The following CASP9 variants were observed in gnomAD, a reference collection of about 807,000 sequenced individuals.
CASP9 encodes the protein caspase 9.
CASP9 carries 29 observed loss-of-function variants against 43.5 expected under a neutral mutation model. That is an observed-to-expected ratio of 0.67 (90% CI 0.50 to 0.91). The LOEUF (loss-of-function observed/expected upper bound fraction) is 0.91, where lower values mean the gene tolerates loss of function less well. Among genes scored for constraint, CASP9 ranks in the 40% least tolerant of loss-of-function variants. The pLI is 0.00. For synonymous variants in CASP9, 206 were observed against 211.9 expected (o/e 0.97, Z 0.24); for missense variants, 575 against 537.4 (o/e 1.07, Z -0.69).
intron 2 of CASP9, among the ~76,000 whole-genome samples, chr1:15,517,644 T>G (rs1710001806): frequency 6.6e-6 from 1 of 152,192 alleles, no homozygotes; most frequent in South Asian, 2.1e-4. Context: ...AGGATGGGTC[T>G]AATGATACCT....
intron 7 of CASP9, among the ~76,000 whole-genome samples, chr1:15,495,025 G>A (rs1052192843): frequency 3.9e-5 from 6 of 152,036 alleles, no homozygotes; most frequent in African/African-American, 1.4e-4. Context: ...CGAAGGCAGA[G>A]GCAGGGTCAG....
upstream of CASP9, chr1:15,524,612 CG>C: frequency 2.0e-6 from 2 of 1,016,278 alleles, no homozygotes; most frequent in Non-Finnish European, 2.4e-6. Flanking sequence ...CCCGCGTTAC[CG>C]TCCCGCCCGC....
intron 1 of CASP9, among the ~76,000 whole-genome samples, chr1:15,523,023 C>T (rs1036288203): frequency 6.6e-6 from 1 of 152,218 alleles, no homozygotes; most frequent in African/African-American, 2.4e-5. Context: ...GATATCCAGC[C>T]AGCCACTCAC....
rs558512887 is a variant in CASP9, at chr1:15,521,075, T to C, written c.133-2680A>G. Among the ~76,000 whole-genome samples the C allele has an allele frequency of 1.3e-3, 197 of 146,830 alleles. 1 individual carries two copies. The highest frequency in any genetic ancestry group is 5.0e-3 in the African/African-American group (195 of 39,298). ...GGGAGGCTGAGGGAGGAGAATGGCA[T>C]GAACCCGGGAGGCGGAGCTTGCAGT... On this transcript the variant is annotated intron_variant, in intron 1 of 8. Coordinates refer to ENST00000333868, the MANE Select transcript of CASP9 (RefSeq NM_001229.5).
Position 15,495,399 on chromosome 1 carries a change from G to A in CASP9, c.922C>T (p.Pro308Ser), listed in dbSNP as rs199536909. 3 of 1,607,940 alleles carry A rather than the reference G, an allele frequency of 1.9e-6. No homozygotes were observed. In the South Asian group the frequency reaches 3.3e-5, roughly 18 times the overall value. ...VASTSPEDESPGSNPEPDATP... is the reference protein window; with the variant it reads ...VASTSPEDESSGSNPEPDATP... ...GCATCTGGCTCGGGGTTACTGCCAG[G>A]GGACTCGTCTTCAGGGGAAGTGGAG... Residue 308 changes from proline (P) to serine (S), a missense_variant, in exon 7 of 9, where the codon CCT (proline) becomes TCT (serine). By Grantham distance (74) the Pro-to-Ser change is moderately conservative. Coordinates refer to ENST00000333868, the MANE Select transcript of CASP9 (RefSeq NM_001229.5).
intron 6 of CASP9, among the ~76,000 whole-genome samples, chr1:15,499,258 A>T (rs543956068): frequency 6.6e-6 from 1 of 152,336 alleles, no homozygotes; most frequent in African/African-American, 2.4e-5. Flanking sequence ...TACATCTGCA[A>T]AGTGATTTTA....
chr1:15,502,074 A>G (rs1430692263), intron 6 of CASP9, among the ~76,000 whole-genome samples: 1 of 152,094 alleles, frequency 6.6e-6, no homozygotes, highest in Non-Finnish European at 1.5e-5. Flanking sequence ...TTTACATTCA[A>G]ATTAGAATCC....
chr1:15,520,122 A>G (rs1710122162), intron 1 of CASP9: 1 of 97,360 alleles, frequency 1.0e-5, no homozygotes, highest in Non-Finnish European at 2.1e-5. Context: ...CTCAGGATCC[A>G]CAGGGATAAG....
intron 2 of CASP9, among the ~76,000 whole-genome samples, chr1:15,508,739 G>A (rs10754894): frequency 0.25 from 37,644 of 152,040 alleles, 5,970 homozygotes; most frequent in East Asian, 0.58. Context: ...TTCTAAAAAA[G>A]AGCAGCCTGA....
At chr1:15,504,872 A>T in intron 5 of CASP9, 114 bp from the exon 6 acceptor site, 1 of 994,352 alleles carries the variant, frequency 1.0e-6, no homozygotes, top group South Asian at 1.6e-5. Flanking sequence ...CAGGGGCACG[A>T]GGCTGATTGA....
In CASP9 at chr1:15,495,416, G is replaced by A; in HGVS notation, c.905C>T (p.Ser302Phe). ...ACTGCCAGGGGACTCGTCTTCAGGG[G>A]AAGTGGAGGCCACCTCAAACCCATG... ...KDHGFEVAST[S>F]PEDESPGSNP... is the part of the protein sequence containing the mutation. Residue 302 changes from serine (S) to phenylalanine (F), a missense_variant, in exon 7 of 9, where the codon TCC becomes TTC. By Grantham distance (155) the Ser-to-Phe change is radical. Transcript: ENST00000333868. The A allele has an allele frequency of 6.2e-7, 1 of 1,605,312 alleles. No individual in the cohort carries two copies. Among genetic ancestry groups the A allele is most frequent in the Non-Finnish European group, 8.5e-7 (1 of 1,175,824 alleles).
upstream of CASP9, chr1:15,524,877 AT>A (rs1247611318): frequency 4.9e-5 from 29 of 596,694 alleles, no homozygotes; most frequent in East Asian, 9.2e-4. Context: ...CGACCCCAGA[AT>A]CCATTCCGCG....
chr1:15,511,111 A>G (rs1709735228), intron 2 of CASP9, among the ~76,000 whole-genome samples: 2 of 151,510 alleles, frequency 1.3e-5, no homozygotes, highest in South Asian at 4.2e-4. Flanking sequence ...CGGAGGCGAG[A>G]AAAAAAAACA....
intron 2 of CASP9, among the ~76,000 whole-genome samples, chr1:15,510,871 G>T (rs1391018812): frequency 6.6e-6 from 1 of 152,070 alleles, no homozygotes; most frequent in Non-Finnish European, 1.5e-5. Flanking sequence ...CACTGGGCAT[G>T]TGCCCAGGTC....
chr1:15,520,350 T>C (rs556819776), intron 1 of CASP9, among the ~76,000 whole-genome samples: 43 of 152,294 alleles, frequency 2.8e-4, no homozygotes, highest in African/African-American at 9.4e-4. Flanking sequence ...TTCAGTATAA[T>C]AAAGAAAATA....
At chr1:15,505,955 AAT>A (rs1709502083) in intron 5 of CASP9, 33 bp downstream of exon 5, 2 of 1,524,600 alleles carry the variant, frequency 1.3e-6, no homozygotes, top group Non-Finnish European at 1.8e-6. Flanking sequence ...GCCAGTACCC[AAT>A]GCCTGCCCAG....
intron 6 of CASP9, among the ~76,000 whole-genome samples, chr1:15,498,176 C>T (rs1353750752): frequency 6.6e-6 from 1 of 152,050 alleles, no homozygotes; most frequent in Non-Finnish European, 1.5e-5. Context: ...CTTGACCTGC[C>T]AGGCTCAAGT....
At chr1:15,513,160 CA>C (rs377408698) in intron 2 of CASP9, among the ~76,000 whole-genome samples, 11,051 of 63,720 alleles carry the variant, frequency 0.17, 940 homozygotes, top group African/African-American at 0.38. Context: ...GACTCCGTCT[CA>C]AAAAAAAAAA....
In CASP9 at chr1:15,518,226, G is replaced by A. The variant is rs760889321; in HGVS notation, c.302C>T (p.Pro101Leu). The A allele has an allele frequency of 3.1e-6, 5 of 1,614,184 alleles. No individual in the cohort carries two copies. The highest frequency in any genetic ancestry group is 3.4e-6 in the Non-Finnish European group (4 of 1,180,036). ...TNRQAAKLSK[P>L]TLENLTPVVL... Reference sequence around the variant, plus strand: ...CACTGGGGTAAGGTTTTCTAGGGTTGGCTTCGACAACTTTGCTGCTTGCCT... The same window carrying A: ...CACTGGGGTAAGGTTTTCTAGGGTTAGCTTCGACAACTTTGCTGCTTGCCT... The change falls in exon 2 of 9, where the codon CCA (proline) becomes CTA (leucine). Residue 101 changes from proline (P) to leucine (L), a missense_variant. Transcript: ENST00000333868.
Sources: gnomAD v4.1 joint callset for allele counts (sites outside exome capture counted in the v4.1 genomes callset) on GRCh38, gnomAD v4.1.1 for gene constraint, MANE v1.5 for transcripts, NCBI Gene and HGNC (gene_info 2026-07-23, HGNC 2026-07-21) for gene names.